The following NECTIN3 variants were observed in gnomAD, a reference collection of about 807,000 sequenced individuals.
NECTIN3 encodes the protein nectin-3.
A neutral mutation model predicts 49.4 loss-of-function variants in NECTIN3; 8 were observed. The ratio of observed to expected loss-of-function variants is 0.16; its 90% CI spans 0.10 to 0.29. The LOEUF is 0.29. NECTIN3 is among the 10% of genes least tolerant of loss of function. The pLI, the probability that NECTIN3 is intolerant of heterozygous loss-of-function variation, is 1.00. For missense variants in NECTIN3, 581 were observed against 654.6 expected, an observed-to-expected ratio of 0.89 and a Z score of 1.23; for synonymous variants, 277 against 241.1, an observed-to-expected ratio of 1.15 and a Z score of -1.38.
In NECTIN3 at chr3:111,135,939, T is replaced by C; in HGVS notation, c.*1724T>C. 2 of 924,612 alleles carry C rather than the reference T, an allele frequency of 2.2e-6. No individual in the cohort carries two copies. Among genetic ancestry groups the C allele is most frequent in the African/African-American group, 1.8e-5 (1 of 55,542 alleles). 57.3% of individuals were successfully genotyped at this position (924,612 alleles called of 1,614,324 possible). A position where few individuals can be genotyped will look rare whatever the true frequency, so the allele number is the denominator to read the frequency against. The stretch of plus-strand genomic sequence containing the variant: ...AGGATACAGATAAATAAAGTTCACT[T>C]ATATCTTCTTACAAATGTCTGGGTT... On this transcript the variant is annotated 3_prime_UTR_variant, in exon 6 of 6. Coordinates refer to ENST00000485303, the MANE Select transcript of NECTIN3 (RefSeq NM_015480.3).
At chr3:111,149,928 A>G (rs182920313) in intron 7 of NECTIN3, among the ~76,000 whole-genome samples, 4 of 152,054 alleles carry the variant, frequency 2.6e-5, no homozygotes, top group Admixed American at 1.3e-4. Flanking sequence ...GAATAATGCT[A>G]TTTTTTAGCC....
At chr3:111,178,867 C>A (rs138153941) in intron 7 of NECTIN3, among the ~76,000 whole-genome samples, 365 of 152,300 alleles carry the variant, frequency 2.4e-3, no homozygotes, top group African/African-American at 8.3e-3. Flanking sequence ...TACTTGGAAC[C>A]ATTGCTCAAT....
At chr3:111,180,037 GA>G (rs1369874391) in intron 7 of NECTIN3, among the ~76,000 whole-genome samples, 3 of 151,938 alleles carry the variant, frequency 2.0e-5, no homozygotes, top group African/African-American at 7.2e-5. Context: ...AAATTTAAAA[GA>G]AAAAAGTTGA....
chr3:111,160,377 T>C (rs1273342962), intron 7 of NECTIN3, among the ~76,000 whole-genome samples: 1 of 152,196 alleles, frequency 6.6e-6, no homozygotes, highest in Non-Finnish European at 1.5e-5. Context: ...ATTGCCAGTT[T>C]TTTTTTACAG....
chr3:111,108,706 G>A (rs539852537), intron 1 of NECTIN3, among the ~76,000 whole-genome samples: 140 of 152,212 alleles, frequency 9.2e-4, no homozygotes, highest in Non-Finnish European at 1.8e-3. Context: ...GAAAGTGAAG[G>A]GGAGCCAACA....
At position 111,131,920 on chromosome 3, in the gene NECTIN3, C is replaced by A. The variant is rs560415133; in HGVS notation, c.1070-1715C>A. 2.6e-5 allele frequency among the ~76,000 whole-genome samples: 4 copies of A among 151,600 alleles called. No homozygotes were observed. In the South Asian group the frequency reaches 6.3e-4, roughly 24 times the overall value. ...TACTTTAATTTAAATATGCTGATGC[C>A]AGTTTATTATATTTTTTTCTTTGCA... On this transcript the variant is annotated intron_variant, in intron 5 of 5. Coordinates refer to ENST00000485303, the MANE Select transcript of NECTIN3 (RefSeq NM_015480.3).
chr3:111,134,303 A>C lies in NECTIN3; in HGVS notation c.*88A>C. 6.8e-7 allele frequency: 1 copy of C among 1,476,074 alleles called. No individual in the cohort carries two copies. The highest frequency in any genetic ancestry group is 1.5e-5 in the South Asian group (1 of 65,490). 91.4% of individuals were successfully genotyped at this position (1,476,074 alleles called of 1,614,324 possible). On this transcript the variant is annotated 3_prime_UTR_variant, in exon 6 of 6. Coordinates refer to ENST00000485303, the MANE Select transcript of NECTIN3 (RefSeq NM_015480.3). Reference sequence around the variant, plus strand: ...TTGTTCATACTTTTTCTTGAGGAAGAATAAGCTTTTTCAAGTTGATTTTCA... The same window carrying C: ...TTGTTCATACTTTTTCTTGAGGAAGCATAAGCTTTTTCAAGTTGATTTTCA...
chr3:111,124,161 A>G (rs1428374703), intron 4 of NECTIN3, among the ~76,000 whole-genome samples: 1 of 152,188 alleles, frequency 6.6e-6, no homozygotes, highest in East Asian at 1.9e-4. Flanking sequence ...AGCAGTCATT[A>G]GTTAAGATTT....
intron 7 of NECTIN3, among the ~76,000 whole-genome samples, chr3:111,180,388 T>C (rs995531511): frequency 1.3e-5 from 2 of 152,190 alleles, no homozygotes; most frequent in African/African-American, 4.8e-5. Context: ...TACGCATATG[T>C]GTAATTATCT....
chr3:111,137,837 C>T (rs2034636243), downstream of NECTIN3, among the ~76,000 whole-genome samples: 1 of 135,552 alleles, frequency 7.4e-6, no homozygotes, highest in East Asian at 2.2e-4. Context: ...GGTGCATGTA[C>T]AGGTTTGTTA....
At chr3:111,077,688 G>T (rs1445046120) in intron 1 of NECTIN3, among the ~76,000 whole-genome samples, 1 of 151,912 alleles carries the variant, frequency 6.6e-6, no homozygotes, top group Non-Finnish European at 1.5e-5. Flanking sequence ...TTTTTCTCTT[G>T]ACAAGTGCTA....
intron 1 of NECTIN3, chr3:111,077,196 G>T: frequency 2.3e-6 from 1 of 442,106 alleles, no homozygotes; most frequent in Non-Finnish European, 4.6e-6. Flanking sequence ...ATGGCATCCA[G>T]GAGATTGTTT....
At chr3:111,185,276 CA>C (rs2035698461) in intron 7 of NECTIN3, among the ~76,000 whole-genome samples, 1 of 151,896 alleles carries the variant, frequency 6.6e-6, no homozygotes, top group Non-Finnish European at 1.5e-5. Context: ...CTTACGTCAC[CA>C]GAAAAAAACA....
chr3:111,190,396 A>G (rs2035794233), upstream of NECTIN3, among the ~76,000 whole-genome samples: 1 of 152,210 alleles, frequency 6.6e-6, no homozygotes, highest in African/African-American at 2.4e-5. Flanking sequence ...GCACAAACCC[A>G]CATTAAGGTA....
At chr3:111,173,967 C>T (rs190595681) in intron 7 of NECTIN3, among the ~76,000 whole-genome samples, 4 of 152,216 alleles carry the variant, frequency 2.6e-5, no homozygotes, top group Admixed American at 1.3e-4. Flanking sequence ...TTATCATTAT[C>T]GTCATCATCC....
upstream of NECTIN3, among the ~76,000 whole-genome samples, chr3:111,190,262 T>C (rs544730666): frequency 1.3e-5 from 2 of 152,334 alleles, no homozygotes; most frequent in South Asian, 4.1e-4. Flanking sequence ...TGTAGAATTA[T>C]GCTGACTTTG....
chr3:111,115,206 G>A (rs2033641590), intron 2 of NECTIN3, among the ~76,000 whole-genome samples: 1 of 152,116 alleles, frequency 6.6e-6, no homozygotes, highest in African/African-American at 2.4e-5. Context: ...GAGTTAGTGG[G>A]GAATCACCCC....
intron 7 of NECTIN3, among the ~76,000 whole-genome samples, chr3:111,164,383 G>A (rs1353801226): frequency 6.6e-5 from 10 of 152,112 alleles, no homozygotes; most frequent in Non-Finnish European, 1.0e-4. Context: ...GTCCTGCCCT[G>A]GTTTTGCATA....
rs139327274 is a variant in NECTIN3 at position 111,168,042 on chromosome 3, C to T, written c.1221+20558C>T. On this transcript the variant is annotated intron_variant, in intron 7 of 8. Coordinates refer to the NECTIN3 transcript ENST00000493615. The stretch of plus-strand genomic sequence containing the variant: ...GCATCCCTAATCTGAAAATCTGAAA[C>T]GCTCCAAAAAGCATTTTCTTTGAGT... 2.2e-3 allele frequency among the ~76,000 whole-genome samples: 331 copies of T among 152,120 alleles called. 1 individual carries two copies. Among genetic ancestry groups the T allele is most frequent in the Admixed American group, 3.3e-3 (51 of 15,276 alleles).
Sources: allele counts gnomAD v4.1 joint callset (sites outside exome capture counted in the v4.1 genomes callset), GRCh38; gene constraint gnomAD v4.1.1; transcripts MANE v1.5; gene names NCBI Gene and HGNC (gene_info 2026-07-23, HGNC 2026-07-21).